RALGPS1: variants seen among roughly 807,000 people sequenced by gnomAD.
RALGPS1 encodes the protein ras-specific guanine nucleotide-releasing factor RalGPS1.
RALGPS1 carries 19 observed loss-of-function variants against 78.8 expected under a neutral mutation model. The observed-to-expected ratio is 0.24, with a 90% CI of 0.17 to 0.35. RALGPS1 has a LOEUF of 0.35. Among genes scored for constraint, RALGPS1 ranks in the 10% least tolerant of loss-of-function variants. RALGPS1 has a pLI of 1.00. For synonymous variants in RALGPS1, 228 were observed against 256.3 expected, an observed-to-expected ratio of 0.89 and a Z score of 1.06; for missense variants, 454 against 688.3, an observed-to-expected ratio of 0.66 and a Z score of 3.81.
intron 1 of RALGPS1, among the ~76,000 whole-genome samples, chr9:126,957,396 C>CT (rs2038448614): frequency 6.6e-6 from 1 of 152,196 alleles, no homozygotes; most frequent in Non-Finnish European, 1.5e-5. Flanking sequence ...TTGGGAAGAG[C>CT]TACAGAGTGC....
At chr9:127,058,950 A>T (rs1434823380) in intron 7 of RALGPS1, among the ~76,000 whole-genome samples, 1 of 152,170 alleles carries the variant, frequency 6.6e-6, no homozygotes, top group Admixed American at 6.5e-5. Flanking sequence ...ATCATAGCTG[A>T]TGGGTCAGGA....
intron 1 of RALGPS1, among the ~76,000 whole-genome samples, chr9:126,926,610 G>T (rs2035304148): frequency 6.6e-6 from 1 of 152,194 alleles, no homozygotes. Flanking sequence ...CAGTGCCTAG[G>T]AGTGTAGGTG....
At chr9:127,162,154 A>T (rs894745066) in intron 8 of RALGPS1, among the ~76,000 whole-genome samples, 1 of 152,216 alleles carries the variant, frequency 6.6e-6, no homozygotes, top group Admixed American at 6.5e-5. Context: ...GCCAGCGTTT[A>T]CCAAGCAGCT....
rs116779578 is a variant in RALGPS1 at position 127,177,439 on chromosome 9, G to A, written c.910+2657G>A. On this transcript the variant is annotated intron_variant, in intron 11 of 18. Transcript: ENST00000259351. The stretch of plus-strand genomic sequence containing the variant: ...TGCTGCTTCCTGCCAGGGCGATGGC[G>A]ACAGAGGCTTCCTCTTCCCCTCCAG... Among the ~76,000 whole-genome samples the A allele has an allele frequency of 1.6e-3, 241 of 152,296 alleles. 1 individual carries two copies. Among genetic ancestry groups the A allele is most frequent in the African/African-American group, 5.3e-3 (220 of 41,558 alleles).
At chr9:127,007,570 G>A (rs761669844) in intron 4 of RALGPS1, among the ~76,000 whole-genome samples, 7 of 152,216 alleles carry the variant, frequency 4.6e-5, no homozygotes, top group Non-Finnish European at 1.0e-4. Flanking sequence ...CTGAATAATA[G>A]TATATAAGCC....
At chr9:126,983,250 A>T (rs2041495361) in intron 4 of RALGPS1, among the ~76,000 whole-genome samples, 2 of 151,928 alleles carry the variant, frequency 1.3e-5, no homozygotes, top group African/African-American at 4.8e-5. Flanking sequence ...TTCTTTTTAA[A>T]CATTTCTTAT....
rs1420924263 is a variant in RALGPS1 at position 127,166,171 on chromosome 9, G to A, written c.713G>A (p.Arg238Gln). 1.2e-6 allele frequency: 2 copies of A among 1,613,588 alleles called. No homozygotes were observed. Among genetic ancestry groups the A allele is most frequent in the Non-Finnish European group, 8.5e-7 (1 of 1,179,878 alleles). ...QRSNQMNNIL[R>Q]IIADLQVSCS... ...TCCAATCAGATGAACAATATTCTTC[G>A]AATAATTGCTGATTTACAAGTTTCC... Residue 238 changes from arginine to glutamine, a missense_variant, in exon 9 of 19, where the codon CGA (arginine) becomes CAA (glutamine). Coordinates refer to ENST00000259351, the MANE Select transcript of RALGPS1 (RefSeq NM_014636.3).
intron 7 of RALGPS1, among the ~76,000 whole-genome samples, chr9:127,066,080 A>T (rs1375488342): frequency 1.3e-5 from 2 of 152,178 alleles, no homozygotes; most frequent in East Asian, 3.9e-4. Context: ...AGATAGGCTG[A>T]TCAGCTCTGA....
At chr9:126,935,277 C>G (rs1017253445) in intron 1 of RALGPS1, among the ~76,000 whole-genome samples, 1 of 152,160 alleles carries the variant, frequency 6.6e-6, no homozygotes, top group Non-Finnish European at 1.5e-5. Context: ...GCCTTACACA[C>G]AGGAGATGCT....
chr9:127,071,199 C>CT, intron 8 of RALGPS1, among the ~76,000 whole-genome samples: 1 of 150,954 alleles, frequency 6.6e-6, no homozygotes, highest in Non-Finnish European at 1.5e-5. Context: ...TGTTTTCTTT[C>CT]TTTTTTAAAA....
At chr9:127,093,414 C>T (rs200064925) in intron 8 of RALGPS1, among the ~76,000 whole-genome samples, 1 of 152,144 alleles carries the variant, frequency 6.6e-6, no homozygotes, top group East Asian at 1.9e-4. Context: ...ATGCTCCTCA[C>T]CCCTGGGCCC....
chr9:127,064,383 G>A (rs2049489196), intron 7 of RALGPS1, among the ~76,000 whole-genome samples: 1 of 152,174 alleles, frequency 6.6e-6, no homozygotes, highest in Non-Finnish European at 1.5e-5. Flanking sequence ...AGTAAATGCT[G>A]TTATTTTCTG....
chr9:127,078,858 C>A (rs2050918800), intron 8 of RALGPS1, among the ~76,000 whole-genome samples: 1 of 152,202 alleles, frequency 6.6e-6, no homozygotes, highest in Admixed American at 6.5e-5. Context: ...ACACTAATTA[C>A]AAAAACTCAT....
intron 8 of RALGPS1, among the ~76,000 whole-genome samples, chr9:127,115,552 G>T (rs2055318160): frequency 6.6e-6 from 1 of 152,234 alleles, no homozygotes; most frequent in Non-Finnish European, 1.5e-5. Context: ...TAGGTCGCTT[G>T]TTCAAGATCA....
intron 12 of RALGPS1, among the ~76,000 whole-genome samples, chr9:127,195,800 TTCCC>T (rs890544087): frequency 2.0e-5 from 3 of 151,734 alleles, no homozygotes; most frequent in African/African-American, 7.3e-5. Flanking sequence ...CCCTTCTTCC[TTCCC>T]TCCCTCCCTC....
intron 8 of RALGPS1, among the ~76,000 whole-genome samples, chr9:127,162,970 G>A (rs1358180107): frequency 6.6e-6 from 1 of 152,156 alleles, no homozygotes. Context: ...TTGAGCTTTA[G>A]TTTTCTCCTC....
At chr9:127,093,925 G>A (rs374632905) in intron 8 of RALGPS1, 2 of 1,613,402 alleles carry the variant, frequency 1.2e-6, no homozygotes, top group African/African-American at 2.7e-5. Context: ...CTCTCCATGG[G>A]CCTGGGGACA....
chr9:126,973,485 A>T (rs994409263), intron 3 of RALGPS1, among the ~76,000 whole-genome samples: 3 of 152,236 alleles, frequency 2.0e-5, no homozygotes, highest in East Asian at 1.9e-4. Context: ...TAAATTATTT[A>T]AAAAACTTGA....
intron 11 of RALGPS1, among the ~76,000 whole-genome samples, chr9:127,186,427 ACC>A (rs2060647876): frequency 1.3e-5 from 2 of 152,260 alleles, no homozygotes; most frequent in South Asian, 4.1e-4. Context: ...CATTATGACC[ACC>A]CACACCCTTG....
Sources: gnomAD v4.1 joint callset for allele counts (sites outside exome capture counted in the v4.1 genomes callset) on GRCh38, gnomAD v4.1.1 for gene constraint, MANE v1.5 for transcripts, NCBI Gene and HGNC (gene_info 2026-07-23, HGNC 2026-07-21) for gene names.